Variants in CEACAM20 observed in about 807,000 individuals in gnomAD.
CEACAM20 encodes cell adhesion molecule CEACAM20.
CEACAM20 carries 50 observed loss-of-function variants against 61.2 expected under a neutral mutation model. The ratio of observed to expected loss-of-function variants is 0.82; its 90% CI spans 0.65 to 1.03. CEACAM20 has a LOEUF of 1.03. Ranked by LOEUF, CEACAM20 falls within the 50% of genes least tolerant of loss-of-function variation. CEACAM20 has a pLI of 0.00. For missense variants in CEACAM20, 683 were observed against 736.4 expected, an observed-to-expected ratio of 0.93 and a Z score of 0.84; for synonymous variants, 282 against 287.7, an observed-to-expected ratio of 0.98 and a Z score of 0.20.
Position 44,529,494 on chromosome 19 carries a change from AGTCAGCAGGCCCCATGG to A in CEACAM20, c.-2_15del. On this transcript the variant is annotated start_lost and 5_prime_UTR_variant, in exon 1 of 12. Transcript: ENST00000614924. The stretch of plus-strand genomic sequence containing the variant: ...ATTCCCATCCAGTGGTGTCCCCATG[AGTCAGCAGGCCCCATGG>A]GTCCCGGCACCTGACTTCAGTGTGC... 6.2e-7 allele frequency: 1 copy of A among 1,613,690 alleles called. No individual in the cohort carries two copies. The highest frequency in any genetic ancestry group is 8.5e-7 in the Non-Finnish European group (1 of 1,179,824).
chr19:44,526,089 C>T (rs533054572), intron 1 of CEACAM20, among the ~76,000 whole-genome samples: 5 of 152,334 alleles, frequency 3.3e-5, no homozygotes, highest in Admixed American at 1.3e-4. Context: ...GCCACACAGC[C>T]AACCCTTGAT....
At chr19:44,506,520 A>AC (rs1255736660) in intron 11 of CEACAM20, among the ~76,000 whole-genome samples, 1 of 152,194 alleles carries the variant, frequency 6.6e-6, no homozygotes, top group African/African-American at 2.4e-5. Context: ...AACCAATAGA[A>AC]TATGGCAAAG....
At position 44,519,370 on chromosome 19, in the gene CEACAM20, TTTGGTTTAATGACTGAA is replaced by T. The variant is rs796708479; in HGVS notation, c.1030+1087_1030+1103del. 4.6e-5 allele frequency among the ~76,000 whole-genome samples: 7 copies of T among 152,320 alleles called. 1 individual carries two copies. Among genetic ancestry groups the T allele is most frequent in the African/African-American group, 1.7e-4 (7 of 41,580 alleles). On this transcript the variant is annotated intron_variant, in intron 5 of 11. Coordinates refer to ENST00000614924, the MANE Select transcript of CEACAM20 (RefSeq NM_001102597.3). ...ACAGAGAGAGCACAAAACATATATTTTTGGTTTAATGACTGAATTGAAAAGGAAAGAGGAGTGAGCAA... is the reference window on the plus strand; with the variant it reads ...ACAGAGAGAGCACAAAACATATATTTTTGAAAAGGAAAGAGGAGTGAGCAA...
At chr19:44,517,726 CT>C (rs1568452273) in intron 5 of CEACAM20, among the ~76,000 whole-genome samples, 1 of 151,036 alleles carries the variant, frequency 6.6e-6, no homozygotes, top group Non-Finnish European at 1.5e-5. Flanking sequence ...AAAAAACTGC[CT>C]TTGTAAAAGT....
chr19:44,510,381 C>CAG (rs1970935829), intron 11 of CEACAM20, among the ~76,000 whole-genome samples: 1 of 151,780 alleles, frequency 6.6e-6, no homozygotes, highest in South Asian at 2.1e-4. Context: ...GGTGTGATGG[C>CAG]TCGTGCCTGC....
chr19:44,521,437 CTT>C (rs1971362062), intron 4 of CEACAM20, among the ~76,000 whole-genome samples: 1 of 151,478 alleles, frequency 6.6e-6, no homozygotes, highest in Non-Finnish European at 1.5e-5. Context: ...TATATGTGAT[CTT>C]GTTTGTTGTG....
chr19:44,518,746 AC>A (rs1307399031), intron 5 of CEACAM20, among the ~76,000 whole-genome samples: 1 of 151,732 alleles, frequency 6.6e-6, no homozygotes, highest in Non-Finnish European at 1.5e-5. Context: ...CCCCATCCTG[AC>A]CCCATTGACA....
At chr19:44,529,240 C>T (rs2123652176) in intron 1 of CEACAM20, among the ~76,000 whole-genome samples, 1 of 152,080 alleles carries the variant, frequency 6.6e-6, no homozygotes, top group Non-Finnish European at 1.5e-5. Context: ...GCTGGGATTA[C>T]AGATGTGAGC....
intron 1 of CEACAM20, among the ~76,000 whole-genome samples, chr19:44,525,730 CCT>C (rs1397798231): frequency 6.6e-6 from 1 of 151,764 alleles, no homozygotes; most frequent in African/African-American, 2.4e-5. Context: ...GGCATGAGCC[CCT>C]GTGCCAGCTG....
chr19:44,511,587 T>C, intron 10 of CEACAM20, 50 bp downstream of exon 10: 2 of 1,559,776 alleles, frequency 1.3e-6, no homozygotes, highest in Non-Finnish European at 1.8e-6. Flanking sequence ...AATTTTCAGA[T>C]TGTCTTTCCT....
At position 44,518,140 on chromosome 19, in the gene CEACAM20, AAGGAAGGAAGGAAGGAAGGAAGG is replaced by A. The variant is rs1971240543; in HGVS notation, c.1031-939_1031-917del. ...GAAGGAAGGAAGGAAGGAAGGAAGG[AAGGAAGGAAGGAAGGAAGGAAGG>A]AAGGAAGAAAGCAGGCAGGCAGGCA... is the stretch of plus-strand genomic sequence containing the variant. On this transcript the variant is annotated intron_variant, in intron 5 of 11. Coordinates refer to ENST00000614924, the MANE Select transcript of CEACAM20 (RefSeq NM_001102597.3). Among the ~76,000 whole-genome samples the A allele has an allele frequency of 4.0e-5, 5 of 123,556 alleles. 1 individual carries two copies. Among genetic ancestry groups the A allele is most frequent in the Non-Finnish European group, 4.9e-5 (3 of 61,806 alleles). The allele number at this position is 123,556 out of a possible 152,430, so 81.1% of individuals were successfully genotyped here.
chr19:44,527,751 GAGA>G (rs1470931079), intron 1 of CEACAM20, among the ~76,000 whole-genome samples: 1 of 152,252 alleles, frequency 6.6e-6, no homozygotes, highest in East Asian at 1.9e-4. Context: ...CGCCGGCCCA[GAGA>G]AGGAGAAGCT....
intron 5 of CEACAM20, among the ~76,000 whole-genome samples, chr19:44,518,235 A>AG (rs1491371525): frequency 9.5e-5 from 5 of 52,648 alleles, no homozygotes; most frequent in African/African-American, 5.6e-4. Context: ...AGAGAGAGAG[A>AG]AAGGAAGGAA....
chr19:44,529,385 CA>C, intron 1 of CEACAM20, 72 bp downstream of exon 1: 1 of 1,333,290 alleles, frequency 7.5e-7, no homozygotes, highest in South Asian at 1.2e-5. Context: ...CACACACACA[CA>C]CACACACACC....
At chr19:44,528,697 T>A (rs1306525886) in intron 1 of CEACAM20, among the ~76,000 whole-genome samples, 4 of 151,928 alleles carry the variant, frequency 2.6e-5, no homozygotes, top group African/African-American at 9.7e-5. Flanking sequence ...CAAACACACA[T>A]CTTTGTCTTT....
At chr19:44,515,256 TA>T (rs1971122609) in intron 6 of CEACAM20, among the ~76,000 whole-genome samples, 1 of 150,370 alleles carries the variant, frequency 6.7e-6, no homozygotes, top group African/African-American at 2.4e-5. Context: ...ATGATGATGA[TA>T]GAAGCTGCTA....
chr19:44,521,829 G>A (rs116744163), intron 4 of CEACAM20, among the ~76,000 whole-genome samples: 1,568 of 152,202 alleles, frequency 0.01, 26 homozygotes, highest in African/African-American at 0.036. Context: ...GTACATGCAC[G>A]TGAGTGTGCT....
chr19:44,512,749 TG>T, intron 8 of CEACAM20, 118 bp downstream of exon 8: 2 of 747,140 alleles, frequency 2.7e-6, no homozygotes, highest in Non-Finnish European at 4.5e-6. Flanking sequence ...AGGCTCAGAG[TG>T]GACAGGGCTT....
At chr19:44,523,445 GAATA>G (rs758022872) in intron 3 of CEACAM20, among the ~76,000 whole-genome samples, 7 of 148,842 alleles carry the variant, frequency 4.7e-5, no homozygotes, top group East Asian at 2.0e-4. Context: ...ATGAATGAAT[GAATA>G]AAGTGAGCCA....
Sources: gnomAD v4.1 joint callset for allele counts (sites outside exome capture counted in the v4.1 genomes callset) on GRCh38, gnomAD v4.1.1 for gene constraint, MANE v1.5 for transcripts, NCBI Gene and HGNC (gene_info 2026-07-23, HGNC 2026-07-21) for gene names.